DCC: variants seen among roughly 807,000 people sequenced by gnomAD.
DCC encodes the protein netrin receptor DCC.
A neutral mutation model predicts 172.5 loss-of-function variants in DCC; 58 were observed. That is an observed-to-expected ratio of 0.34 (90% CI 0.27 to 0.42). DCC has a LOEUF of 0.42. DCC is among the 10% of genes least tolerant of loss of function. The pLI is 1.00. For missense variants in DCC, 1,740 were observed against 1,791.0 expected, an observed-to-expected ratio of 0.97 and a Z score of 0.51; for synonymous variants, 709 against 644.5, an observed-to-expected ratio of 1.10 and a Z score of -1.52.
At chr18:52,934,431 TAAAAAC>T (rs1317418966) in intron 5 of DCC, among the ~76,000 whole-genome samples, 2 of 152,130 alleles carry the variant, frequency 1.3e-5, no homozygotes, top group Non-Finnish European at 2.9e-5. Flanking sequence ...GGGAGAAACT[TAAAAAC>T]AGAAGCCATG....
intron 12 of DCC, among the ~76,000 whole-genome samples, chr18:53,294,494 C>T (rs1053799508): frequency 3.3e-5 from 5 of 152,136 alleles, no homozygotes; most frequent in Admixed American, 6.5e-5. Context: ...TGGTTCAGAG[C>T]GCTAAATCAG....
chr18:52,544,764 A>G (rs1384386218), intron 1 of DCC, among the ~76,000 whole-genome samples: 2 of 152,200 alleles, frequency 1.3e-5, no homozygotes, highest in Admixed American at 6.5e-5. Flanking sequence ...ATTGATAGAT[A>G]TATCTATTCT....
chr18:52,532,738 T>C (rs781535084), intron 1 of DCC, among the ~76,000 whole-genome samples: 4 of 152,068 alleles, frequency 2.6e-5, no homozygotes, highest in Non-Finnish European at 5.9e-5. Flanking sequence ...GGCCTCTTGC[T>C]TTTTTTCTGA....
intron 1 of DCC, among the ~76,000 whole-genome samples, chr18:52,655,982 G>GCGTATATACA (rs2035236345): frequency 2.5e-5 from 3 of 121,620 alleles, no homozygotes; most frequent in African/African-American, 9.7e-5. Flanking sequence ...GTGTGTGTGT[G>GCGTATATACA]TGTGTATATA....
intron 5 of DCC, among the ~76,000 whole-genome samples, chr18:52,974,412 G>A (rs1022712634): frequency 2.0e-5 from 3 of 152,178 alleles, no homozygotes; most frequent in Non-Finnish European, 4.4e-5. Context: ...CAGAAAATGT[G>A]CATTTTGTTG....
At chr18:52,509,071 A>G (rs2031338817) in intron 1 of DCC, among the ~76,000 whole-genome samples, 1 of 152,260 alleles carries the variant, frequency 6.6e-6, no homozygotes, top group Non-Finnish European at 1.5e-5. Flanking sequence ...GTAAGTGTGG[A>G]AGAACTTGAA....
chr18:53,482,681 G>GTA (rs2045847572), intron 25 of DCC, among the ~76,000 whole-genome samples: 1 of 151,334 alleles, frequency 6.6e-6, no homozygotes, highest in African/African-American at 2.4e-5. Flanking sequence ...TGTGGAATGA[G>GTA]TATTTTCTAT....
intron 5 of DCC, among the ~76,000 whole-genome samples, chr18:53,021,394 G>A (rs1283608449): frequency 6.6e-6 from 1 of 152,184 alleles, no homozygotes; most frequent in Non-Finnish European, 1.5e-5. Flanking sequence ...ACATGTGTCT[G>A]TTAATGACTA....
intron 1 of DCC, among the ~76,000 whole-genome samples, chr18:52,355,341 C>CT (rs1984313045): frequency 1.3e-5 from 2 of 152,100 alleles, no homozygotes; most frequent in African/African-American, 4.8e-5. Flanking sequence ...CCCAGAGAAG[C>CT]TAGGTGAGCC....
At chr18:53,434,410 G>A (rs1432303693) in intron 21 of DCC, among the ~76,000 whole-genome samples, 1 of 152,034 alleles carries the variant, frequency 6.6e-6, no homozygotes, top group Non-Finnish European at 1.5e-5. Flanking sequence ...ATTATCTGTG[G>A]TGAAACACCA....
intron 1 of DCC, among the ~76,000 whole-genome samples, chr18:52,568,486 A>G (rs1475309666): frequency 6.6e-6 from 1 of 152,318 alleles, no homozygotes; most frequent in African/African-American, 2.4e-5. Context: ...ATGAGCTTTT[A>G]TACAGATATA....
chr18:53,391,377 T>C (rs1034777023), intron 16 of DCC, among the ~76,000 whole-genome samples: 1 of 152,166 alleles, frequency 6.6e-6, no homozygotes. Context: ...GTCTTTAAAA[T>C]ATATAAGCAG....
chr18:53,100,274 A>G (rs1373581592), intron 7 of DCC, among the ~76,000 whole-genome samples: 5 of 151,472 alleles, frequency 3.3e-5, no homozygotes, highest in Non-Finnish European at 4.4e-5. Context: ...TTTCCCTTAT[A>G]CCCTTAGCAT....
intron 7 of DCC, among the ~76,000 whole-genome samples, chr18:53,131,186 T>C (rs2043645751): frequency 6.6e-6 from 1 of 152,102 alleles, no homozygotes; most frequent in African/African-American, 2.4e-5. Flanking sequence ...TTTTAAAATG[T>C]AAATGAACTG....
chr18:53,161,432 T>A (rs1167208465), intron 8 of DCC, among the ~76,000 whole-genome samples: 2 of 152,180 alleles, frequency 1.3e-5, no homozygotes, highest in African/African-American at 4.8e-5. Flanking sequence ...TTACTCCCAA[T>A]TTATCTGATC....
intron 5 of DCC, among the ~76,000 whole-genome samples, chr18:53,002,337 A>G (rs932660939): frequency 6.6e-6 from 1 of 152,188 alleles, no homozygotes; most frequent in Admixed American, 6.6e-5. Flanking sequence ...TTTAATACAT[A>G]CAATACAGAA....
At chr18:52,639,320 T>C (rs987067825) in intron 1 of DCC, among the ~76,000 whole-genome samples, 1 of 151,800 alleles carries the variant, frequency 6.6e-6, no homozygotes, top group East Asian at 1.9e-4. Flanking sequence ...TCAGAGCAGA[T>C]TTAAATGAAA....
chr18:52,382,299 T>A (rs1392861099), intron 1 of DCC, among the ~76,000 whole-genome samples: 1 of 152,148 alleles, frequency 6.6e-6, no homozygotes, highest in Non-Finnish European at 1.5e-5. Flanking sequence ...AACAGAGCAG[T>A]GCCTTTCAAA....
chr18:53,348,950 A>T (rs2057755994), intron 15 of DCC, among the ~76,000 whole-genome samples: 1 of 152,126 alleles, frequency 6.6e-6, no homozygotes, highest in South Asian at 2.1e-4. Flanking sequence ...CATTTTCTCC[A>T]TTGTGTTGGT....
Sources: allele counts gnomAD v4.1 joint callset (sites outside exome capture counted in the v4.1 genomes callset), GRCh38; gene constraint gnomAD v4.1.1; transcripts MANE v1.5; gene names NCBI Gene and HGNC (gene_info 2026-07-23, HGNC 2026-07-21).